Variants in IL1RAP observed in about 807,000 individuals in gnomAD.
The protein encoded by IL1RAP is interleukin-1 receptor accessory protein.
A neutral mutation model predicts 60.7 loss-of-function variants in IL1RAP; 35 were observed. That is an observed-to-expected ratio of 0.58 (90% CI 0.44 to 0.76). IL1RAP has a LOEUF of 0.76. IL1RAP is among the 30% of genes least tolerant of loss of function. IL1RAP has a pLI of 0.00. For synonymous variants in IL1RAP, 268 were observed against 250.9 expected (o/e 1.07, Z -0.64); for missense variants, 572 against 693.9 (o/e 0.82, Z 1.97).
chr3:190,646,452 A>G (rs1734022725), intron 11 of IL1RAP, among the ~76,000 whole-genome samples: 1 of 151,964 alleles, frequency 6.6e-6, no homozygotes, highest in Non-Finnish European at 1.5e-5. Flanking sequence ...CAGCTTATAC[A>G]TTTGAGGGTT....
At chr3:190,615,452 T>C (rs955723745) in intron 5 of IL1RAP, 2 of 380,348 alleles carry the variant, frequency 5.3e-6, no homozygotes, top group Non-Finnish European at 1.0e-5. Context: ...ATTAATTCTC[T>C]TCCTTATAGT....
At chr3:190,560,254 C>T (rs1372188386) in intron 2 of IL1RAP, among the ~76,000 whole-genome samples, 1 of 152,160 alleles carries the variant, frequency 6.6e-6, no homozygotes, top group Non-Finnish European at 1.5e-5. Flanking sequence ...GATTGGGACT[C>T]AAGGAAGTGA....
chr3:190,554,358 A>G (rs75915806), intron 1 of IL1RAP, among the ~76,000 whole-genome samples: 3,611 of 152,228 alleles, frequency 0.024, 101 homozygotes, highest in African/African-American at 0.068. Context: ...GTTACTACCC[A>G]GGAACAGGAG....
intron 3 of IL1RAP, among the ~76,000 whole-genome samples, chr3:190,581,408 T>C (rs1727985443): frequency 1.3e-5 from 2 of 152,116 alleles, no homozygotes; most frequent in Admixed American, 6.5e-5. Flanking sequence ...AACCACACAC[T>C]TGGCAGGTAG....
chr3:190,651,385 T>G lies in IL1RAP; in HGVS notation c.*2680T>G. 1.3e-6 allele frequency: 1 copy of G among 792,036 alleles called. No individual in the cohort carries two copies. The highest frequency in any genetic ancestry group is 1.5e-6 in the Non-Finnish European group (1 of 653,794). The allele number at this position is 792,036 out of a possible 1,614,324, so 49.1% of individuals were successfully genotyped here. On this transcript the variant is annotated 3_prime_UTR_variant, in exon 12 of 12. Transcript: ENST00000447382. Reference sequence around the variant, plus strand: ...AACATCATTCATTAATTACTTATTTTCTTTCCATAGGTTTTAATATTTTGA... The same window carrying G: ...AACATCATTCATTAATTACTTATTTGCTTTCCATAGGTTTTAATATTTTGA...
At position 190,565,829 on chromosome 3, in the gene IL1RAP, A is replaced by G. The variant is rs933098794; in HGVS notation, c.64+1476A>G. 2.0e-5 allele frequency among the ~76,000 whole-genome samples: 3 copies of G among 152,162 alleles called. No individual in the cohort carries two copies. The South Asian group carries it at 6.2e-4, about 31-fold the overall frequency. ...TGATTTAGTTCTATGTTTGAATGCT[A>G]TCTGCTCACAGAGGCTTCCTTGACC... On this transcript the variant is annotated intron_variant, in intron 3 of 11. Transcript: ENST00000447382.
chr3:190,558,142 A>T (rs1027181407), intron 2 of IL1RAP, among the ~76,000 whole-genome samples: 2 of 152,196 alleles, frequency 1.3e-5, no homozygotes, highest in Non-Finnish European at 2.9e-5. Flanking sequence ...GCTGAGTATT[A>T]TTCTATTTTT....
At chr3:190,516,454 A>G (rs1283572784) in intron 1 of IL1RAP, among the ~76,000 whole-genome samples, 3 of 152,362 alleles carry the variant, frequency 2.0e-5, no homozygotes, top group African/African-American at 7.2e-5. Flanking sequence ...TTGGTCAATT[A>G]TACCCATATC....
Position 190,537,381 on chromosome 3 carries a change from C to T in IL1RAP, c.-88-18749C>T, listed in dbSNP as rs76309351. On this transcript the variant is annotated intron_variant, in intron 1 of 11. Coordinates refer to ENST00000447382, the MANE Select transcript of IL1RAP (RefSeq NM_002182.4). Reference sequence around the variant, plus strand: ...TACATGCAGGCAGCTGTACGAAAACCTATGCACTCTTATAGCCTCATCTGG... The same window carrying T: ...TACATGCAGGCAGCTGTACGAAAACTTATGCACTCTTATAGCCTCATCTGG... Among the ~76,000 whole-genome samples the T allele has an allele frequency of 4.0e-3, 603 of 152,198 alleles. 2 individuals are homozygous for T. Among genetic ancestry groups the T allele is most frequent in the African/African-American group, 0.014 (579 of 41,544 alleles).
chr3:190,598,996 A>T (rs1729621128), intron 3 of IL1RAP, among the ~76,000 whole-genome samples: 1 of 152,144 alleles, frequency 6.6e-6, no homozygotes, highest in African/African-American at 2.4e-5. Context: ...AACCATTTTT[A>T]TAGCTTTCAA....
Position 190,527,833 on chromosome 3 carries a change from A to T in IL1RAP, c.-89+13614A>T, listed in dbSNP as rs1156440179. ...TTATTTTAAGGAAAGGTCTACACAC[A>T]CACACACACACACACACACACACAC... On this transcript the variant is annotated intron_variant, in intron 1 of 11. Transcript: ENST00000447382. 3.3e-5 allele frequency among the ~76,000 whole-genome samples: 3 copies of T among 91,226 alleles called. No individual in the cohort carries two copies. In the East Asian group the frequency reaches 1.3e-3, roughly 40 times the overall value. 59.8% of individuals were successfully genotyped at this position (91,226 alleles called of 152,430 possible). A position where few individuals can be genotyped will look rare whatever the true frequency, so the allele number is the denominator to read the frequency against.
intron 3 of IL1RAP, among the ~76,000 whole-genome samples, chr3:190,597,850 A>G (rs938665124): frequency 1.3e-5 from 2 of 152,140 alleles, no homozygotes; most frequent in Non-Finnish European, 2.9e-5. Flanking sequence ...CTACTTTACA[A>G]AAGAAAAATC....
intron 3 of IL1RAP, among the ~76,000 whole-genome samples, chr3:190,595,103 A>G (rs1245835030): frequency 6.7e-6 from 1 of 149,516 alleles, no homozygotes; most frequent in African/African-American, 2.5e-5. Flanking sequence ...CATTCTATAT[A>G]TTTTTCTTAT....
At chr3:190,584,528 T>C (rs938917910) in intron 3 of IL1RAP, among the ~76,000 whole-genome samples, 1 of 152,266 alleles carries the variant, frequency 6.6e-6, no homozygotes, top group Non-Finnish European at 1.5e-5. Flanking sequence ...GAACACTTGC[T>C]ATTTTCCATT....
At chr3:190,546,163 T>C (rs999248478) in intron 1 of IL1RAP, among the ~76,000 whole-genome samples, 5 of 152,212 alleles carry the variant, frequency 3.3e-5, no homozygotes, top group African/African-American at 1.2e-4. Context: ...TTTAAGGGAC[T>C]TCGAACCTGC....
chr3:190,634,860 C>T (rs568704019), intron 9 of IL1RAP, among the ~76,000 whole-genome samples: 7 of 152,210 alleles, frequency 4.6e-5, no homozygotes, highest in Admixed American at 3.3e-4. Flanking sequence ...GGACTACAGG[C>T]GTCCGCCTCC....
chr3:190,611,715 A>G (rs1301843238), intron 5 of IL1RAP, among the ~76,000 whole-genome samples: 1 of 152,154 alleles, frequency 6.6e-6, no homozygotes, highest in Non-Finnish European at 1.5e-5. Flanking sequence ...GATGGTTACA[A>G]AGGCCTTTGC....
At chr3:190,612,328 A>G (rs1327990435) in intron 5 of IL1RAP, among the ~76,000 whole-genome samples, 1 of 152,130 alleles carries the variant, frequency 6.6e-6, no homozygotes, top group African/African-American at 2.4e-5. Flanking sequence ...TAAAAAAAAA[A>G]GTTTATTTAC....
chr3:190,538,421 G>T (rs1209700834), intron 1 of IL1RAP, among the ~76,000 whole-genome samples: 3 of 152,148 alleles, frequency 2.0e-5, no homozygotes, highest in Non-Finnish European at 4.4e-5. Flanking sequence ...GTGTGAGTGG[G>T]TTCTGATAGA....
Sources: allele counts gnomAD v4.1 joint callset (sites outside exome capture counted in the v4.1 genomes callset), GRCh38; gene constraint gnomAD v4.1.1; transcripts MANE v1.5; gene names NCBI Gene and HGNC (gene_info 2026-07-23, HGNC 2026-07-21).